PAK3: variants seen among roughly 807,000 people sequenced by gnomAD.
The protein encoded by PAK3 is p21 (RAC1) activated kinase 3.
Under a neutral mutation model 41.0 loss-of-function variants are expected in PAK3, and 4 were observed. The observed-to-expected ratio is 0.10, with a 90% CI of 0.05 to 0.22. The LOEUF is 0.22. Among genes scored for constraint, PAK3 ranks in the 10% least tolerant of loss-of-function variants. PAK3 has a pLI of 1.00. For missense variants in PAK3, 205 were observed against 409.9 expected (o/e 0.50, Z 4.32); for synonymous variants, 146 against 139.6 (o/e 1.05, Z -0.32).
intron 1 of PAK3, among the ~76,000 whole-genome samples, chrX:111,019,153 C>T (rs2092133997): frequency 9.0e-6 from 1 of 110,941 alleles, no homozygotes; most frequent in Admixed American, 9.6e-5. Flanking sequence ...TAGAAGAAAA[C>T]ATAGGGGAAA....
At chrX:111,019,448 C>A (rs1162096491) in intron 1 of PAK3, among the ~76,000 whole-genome samples, 1 of 105,057 alleles carries the variant, frequency 9.5e-6, no homozygotes, top group Non-Finnish European at 1.9e-5. Flanking sequence ...AATCCCAGCA[C>A]TTTGTGAGGC....
intron 17 of PAK3, among the ~76,000 whole-genome samples, chrX:111,219,993 T>C (rs2094914266): frequency 8.9e-6 from 1 of 112,189 alleles, no homozygotes; most frequent in South Asian, 3.7e-4. Flanking sequence ...TAGCAGTTAG[T>C]AAGCCATTGG....
At chrX:111,145,021 C>G (rs769387642) in intron 6 of PAK3, 1 of 485,671 alleles carries the variant, frequency 2.1e-6, no homozygotes, top group Non-Finnish European at 3.6e-6. Flanking sequence ...CAACCCCCAG[C>G]TTAATTTACT....
At position 110,966,903 on chromosome X, in the gene PAK3, G is replaced by A. The variant is rs182595012; in HGVS notation, c.-28+22275G>A. Among the ~76,000 whole-genome samples, 114 of 111,967 alleles carry A rather than the reference G, an allele frequency of 1.0e-3. 1 individual carries two copies. Among genetic ancestry groups the A allele is most frequent in the African/African-American group, 3.5e-3 (108 of 30,871 alleles). On this transcript the variant is annotated intron_variant, in intron 1 of 14. Transcript: ENST00000425146. The stretch of plus-strand genomic sequence containing the variant: ...GGAAAAAGCAGGGATAGGATATGTC[G>A]GTACTGCCTGCATGAGGGATGGATC...
intron 4 of PAK3, among the ~76,000 whole-genome samples, chrX:111,106,151 A>G (rs767255329): frequency 4.5e-5 from 5 of 110,126 alleles, no homozygotes; most frequent in Non-Finnish European, 9.5e-5. Context: ...ACACTGGCCC[A>G]ATCACACTTA....
chrX:111,194,734 T>C (rs975079097), intron 14 of PAK3, among the ~76,000 whole-genome samples: 1 of 112,379 alleles, frequency 8.9e-6, no homozygotes, highest in African/African-American at 3.2e-5. Flanking sequence ...ATAGCACTTC[T>C]TTCTAATTTG....
At chrX:111,170,553 C>A (rs2094324895) in intron 10 of PAK3, among the ~76,000 whole-genome samples, 1 of 111,264 alleles carries the variant, frequency 9.0e-6, no homozygotes. Flanking sequence ...TACATATTTT[C>A]TTGTTCTCAT....
intron 4 of PAK3, among the ~76,000 whole-genome samples, chrX:111,117,577 A>G (rs900680878): frequency 1.8e-5 from 2 of 111,883 alleles, no homozygotes; most frequent in African/African-American, 6.5e-5. Context: ...ATGCCTAACT[A>G]CTTGGCAGTT....
At chrX:111,020,117 C>T (rs2092154959) in intron 1 of PAK3, among the ~76,000 whole-genome samples, 1 of 112,183 alleles carries the variant, frequency 8.9e-6, no homozygotes, top group South Asian at 3.7e-4. Flanking sequence ...ATTTACACAT[C>T]CATGTTCCTT....
intron 11 of PAK3, among the ~76,000 whole-genome samples, chrX:111,184,161 T>A (rs2094486640): frequency 9.0e-6 from 1 of 111,337 alleles, no homozygotes; most frequent in Non-Finnish European, 1.9e-5. Flanking sequence ...AGATTTGGAA[T>A]AAAAACAATA....
chrX:110,970,217 T>A (rs1176383971), intron 1 of PAK3, among the ~76,000 whole-genome samples: 1 of 112,336 alleles, frequency 8.9e-6, no homozygotes, highest in African/African-American at 3.2e-5. Flanking sequence ...TTGAGAAGTG[T>A]CTGTTAATAT....
chrX:111,092,314 A>G (rs2092935572), upstream of PAK3, among the ~76,000 whole-genome samples: 1 of 112,209 alleles, frequency 8.9e-6, no homozygotes, highest in African/African-American at 3.2e-5. Flanking sequence ...AATGTCCCCC[A>G]TCATATACAC....
chrX:111,132,521 C>T (rs919391744), intron 5 of PAK3, among the ~76,000 whole-genome samples: 3 of 110,774 alleles, frequency 2.7e-5, no homozygotes, highest in African/African-American at 9.9e-5. Context: ...GAGATAAGTG[C>T]ACCTCCCAGG....
At chrX:111,006,849 C>CTTTCTTTCTTTCTTTTTTTT (rs1556434441) in intron 1 of PAK3, among the ~76,000 whole-genome samples, 1 of 42,726 alleles carries the variant, frequency 2.3e-5, no homozygotes, top group Non-Finnish European at 4.4e-5. Context: ...TTCTTTCTTT[C>CTTTCTTTCTTTCTTTTTTTT]TTTTTTTTTT....
At chrX:111,188,970 C>G (rs757763832) in intron 11 of PAK3, among the ~76,000 whole-genome samples, 46 of 111,032 alleles carry the variant, frequency 4.1e-4, no homozygotes, top group Non-Finnish European at 8.7e-4. Flanking sequence ...AGGTATGTTA[C>G]CTGGGTATAT....
At chrX:110,997,404 G>A (rs181325558) in intron 1 of PAK3, among the ~76,000 whole-genome samples, 12 of 111,789 alleles carry the variant, frequency 1.1e-4, no homozygotes, top group African/African-American at 3.6e-4. Context: ...AATAATCCAT[G>A]TGAGACATGA....
At chrX:110,992,591 G>C (rs1368993059) in intron 1 of PAK3, among the ~76,000 whole-genome samples, 2 of 109,987 alleles carry the variant, frequency 1.8e-5, no homozygotes, top group Admixed American at 1.9e-4. Flanking sequence ...GCGACACAGA[G>C]AGGAATTGAT....
intron 1 of PAK3, among the ~76,000 whole-genome samples, chrX:111,003,756 A>C (rs1328428336): frequency 1.8e-5 from 2 of 111,794 alleles, no homozygotes; most frequent in Non-Finnish European, 3.8e-5. Flanking sequence ...ACAGTGGAGT[A>C]GGAGGGGTTA....
At chrX:110,974,771 T>C (rs1243717582) in intron 1 of PAK3, among the ~76,000 whole-genome samples, 2 of 111,855 alleles carry the variant, frequency 1.8e-5, no homozygotes, top group Non-Finnish European at 3.8e-5. Flanking sequence ...CACGATCAAG[T>C]TGGCTTCATC....
Sources: gnomAD v4.1 joint callset for allele counts (sites outside exome capture counted in the v4.1 genomes callset) on GRCh38, gnomAD v4.1.1 for gene constraint, MANE v1.5 for transcripts, NCBI Gene and HGNC (gene_info 2026-07-23, HGNC 2026-07-21) for gene names.